FKBP5: variants seen among roughly 807,000 people sequenced by gnomAD.
FKBP5 encodes peptidyl-prolyl cis-trans isomerase FKBP5.
A neutral mutation model predicts 50.5 loss-of-function variants in FKBP5; 23 were observed. The observed-to-expected ratio is 0.46, with a 90% CI of 0.33 to 0.65. The LOEUF is 0.65. Ranked by LOEUF, FKBP5 falls within the 30% of genes least tolerant of loss-of-function variation. FKBP5 has a pLI of 0.02. For synonymous variants in FKBP5, 176 were observed against 190.6 expected, an observed-to-expected ratio of 0.92 and a Z score of 0.63; for missense variants, 411 against 553.1, an observed-to-expected ratio of 0.74 and a Z score of 2.58.
chr6:35,575,785 C>CA lies in FKBP5; in HGVS notation c.*49dup. 8.6e-7 allele frequency: 1 copy of CA among 1,167,116 alleles called. No homozygotes were observed. Among genetic ancestry groups the CA allele is most frequent in the Non-Finnish European group, 1.3e-6 (1 of 771,658 alleles). The allele number at this position is 1,167,116 out of a possible 1,614,324, so 72.3% of individuals were successfully genotyped here. A position where few individuals can be genotyped will look rare whatever the true frequency, so the allele number is the denominator to read the frequency against. On this transcript the variant is annotated 3_prime_UTR_variant, in exon 11 of 11. Transcript: ENST00000357266. ...TTCTGTCCTGAGTTGGGGGAAAGCC[C>CA]ATTGAGGAGGGGCCGAGTTCACTGG...
chr6:35,676,366 T>C (rs1361703871), intron 1 of FKBP5, among the ~76,000 whole-genome samples: 2 of 152,240 alleles, frequency 1.3e-5, no homozygotes, highest in Admixed American at 6.5e-5. Context: ...CAGTTTTTTT[T>C]CCTGAGAAAC....
chr6:35,673,217 A>T (rs1261478156), intron 1 of FKBP5, among the ~76,000 whole-genome samples: 1 of 152,218 alleles, frequency 6.6e-6, no homozygotes, highest in Non-Finnish European at 1.5e-5. Context: ...GCTTGAATAC[A>T]TAACATACCA....
intron 8 of FKBP5, chr6:35,585,382 AAAAAC>A (rs1561844523): frequency 1.8e-5 from 18 of 981,738 alleles, no homozygotes; most frequent in East Asian, 1.1e-4. Context: ...AATTAGAATT[AAAAAC>A]AAAACAAAAC....
intron 5 of FKBP5, among the ~76,000 whole-genome samples, chr6:35,610,168 G>A (rs1056638963): frequency 1.3e-5 from 2 of 152,106 alleles, no homozygotes; most frequent in African/African-American, 2.4e-5. Flanking sequence ...ACTATGAGCT[G>A]GGCATGATGG....
At chr6:35,600,014 G>T (rs1405565844) in intron 5 of FKBP5, among the ~76,000 whole-genome samples, 1 of 152,118 alleles carries the variant, frequency 6.6e-6, no homozygotes, top group Non-Finnish European at 1.5e-5. Context: ...TCGGCTAAGT[G>T]GTATAGCATA....
chr6:35,728,129 AGCGGGCGG>A (rs530912838), intron 1 of FKBP5, among the ~76,000 whole-genome samples: 9 of 152,088 alleles, frequency 5.9e-5, no homozygotes, highest in Non-Finnish European at 7.4e-5. Context: ...CAATGTCCCG[AGCGGGCGG>A]GCGGGCGGGC....
At chr6:35,713,980 C>A (rs1303617390) in intron 2 of FKBP5, among the ~76,000 whole-genome samples, 1 of 152,052 alleles carries the variant, frequency 6.6e-6, no homozygotes, top group East Asian at 1.9e-4. Context: ...ACAATTCTGT[C>A]CCCAGCCCAT....
At chr6:35,706,755 T>C (rs565010429) in intron 2 of FKBP5, among the ~76,000 whole-genome samples, 2 of 152,330 alleles carry the variant, frequency 1.3e-5, no homozygotes, top group South Asian at 4.1e-4. Flanking sequence ...TTGGCCAAAC[T>C]ATATATACAA....
chr6:35,600,071 T>C (rs1003169592), intron 5 of FKBP5, among the ~76,000 whole-genome samples: 1 of 152,206 alleles, frequency 6.6e-6, no homozygotes, highest in Non-Finnish European at 1.5e-5. Flanking sequence ...GTACTGAATA[T>C]TGTAGGCAAC....
chr6:35,620,071 C>G (rs1763784279), intron 4 of FKBP5, 61 bp downstream of exon 4: 1 of 1,601,736 alleles, frequency 6.2e-7, no homozygotes, highest in African/African-American at 1.3e-5. Context: ...CTGCCTGTTG[C>G]TTCAAAGCCA....
intron 1 of FKBP5, among the ~76,000 whole-genome samples, chr6:35,649,059 G>A (rs1476570764): frequency 6.6e-6 from 1 of 152,030 alleles, no homozygotes; most frequent in Admixed American, 6.5e-5. Flanking sequence ...AGACCATCCT[G>A]GCTAATATGG....
chr6:35,650,684 A>G (rs1764774836), intron 1 of FKBP5, among the ~76,000 whole-genome samples: 1 of 152,074 alleles, frequency 6.6e-6, no homozygotes, highest in South Asian at 2.1e-4. Flanking sequence ...CATGTTAGCC[A>G]TGCTGGTCTC....
chr6:35,648,340 G>T (rs1764688126), intron 1 of FKBP5, among the ~76,000 whole-genome samples: 1 of 152,022 alleles, frequency 6.6e-6, no homozygotes, highest in African/African-American at 2.4e-5. Context: ...TACCGTCATA[G>T]CTCACTGCAG....
chr6:35,600,860 T>C (rs896113862), intron 5 of FKBP5, among the ~76,000 whole-genome samples: 2 of 152,180 alleles, frequency 1.3e-5, no homozygotes, highest in Non-Finnish European at 2.9e-5. Context: ...ATGTACTTGA[T>C]ATTAAAATTA....
At chr6:35,581,042 C>A (rs1271041101) in intron 8 of FKBP5, 2 of 975,798 alleles carry the variant, frequency 2.0e-6, no homozygotes, top group African/African-American at 3.5e-5. Context: ...AAAAGCTGCT[C>A]TAGACAGTAT....
chr6:35,590,886 GT>G (rs1762798014), intron 7 of FKBP5, among the ~76,000 whole-genome samples: 1 of 128,066 alleles, frequency 7.8e-6, no homozygotes, highest in African/African-American at 3.1e-5. Context: ...ACCCAAAAAA[GT>G]TAAAAAAAAA....
intron 6 of FKBP5, among the ~76,000 whole-genome samples, chr6:35,596,932 G>C (rs1419768158): frequency 6.6e-6 from 1 of 152,144 alleles, no homozygotes; most frequent in African/African-American, 2.4e-5. Context: ...AAAGGGAAGA[G>C]GGGGTAAGAG....
chr6:35,663,207 T>C (rs1765119184), intron 1 of FKBP5, among the ~76,000 whole-genome samples: 1 of 152,116 alleles, frequency 6.6e-6, no homozygotes, highest in Admixed American at 6.5e-5. Flanking sequence ...GGAGGGCTTC[T>C]CACAGGGCAA....
intron 1 of FKBP5, among the ~76,000 whole-genome samples, chr6:35,651,423 GAACTCT>G (rs1299701619): frequency 2.0e-5 from 3 of 152,124 alleles, no homozygotes; most frequent in African/African-American, 7.2e-5. Flanking sequence ...GAGAGCAAGA[GAACTCT>G]GGCTGGGGTA....
Sources: gnomAD v4.1 joint callset for allele counts (sites outside exome capture counted in the v4.1 genomes callset) on GRCh38, gnomAD v4.1.1 for gene constraint, MANE v1.5 for transcripts, NCBI Gene and HGNC (gene_info 2026-07-23, HGNC 2026-07-21) for gene names.